SNX3: variants seen among roughly 807,000 people sequenced by gnomAD.
SNX3 encodes sorting nexin 3.
Under a neutral mutation model 17.7 loss-of-function variants are expected in SNX3, and 5 were observed. The ratio of observed to expected loss-of-function variants is 0.28; its 90% confidence interval spans 0.15 to 0.59. The LOEUF is 0.59. Among genes scored for constraint, SNX3 ranks in the 20% least tolerant of loss-of-function variants. SNX3 has a pLI of 0.88. For missense variants in SNX3, 132 were observed against 206.8 expected (o/e 0.64, Z 2.22); for synonymous variants, 91 against 76.5 (o/e 1.19, Z -0.99).
intron 1 of SNX3, among the ~76,000 whole-genome samples, chr6:108,245,324 T>C (rs1582502504): frequency 6.6e-6 from 1 of 152,310 alleles, no homozygotes; most frequent in East Asian, 1.9e-4. Context: ...TATTCCACGG[T>C]ATATACGTGC....
At chr6:108,213,155 T>C (rs555418527) in intron 3 of SNX3, among the ~76,000 whole-genome samples, 1 of 151,788 alleles carries the variant, frequency 6.6e-6, no homozygotes, top group Admixed American at 6.6e-5. Context: ...TCCCAAAATA[T>C]TGGGATTACA....
chr6:108,226,881 G>C (rs1039538224), intron 1 of SNX3, among the ~76,000 whole-genome samples: 2 of 152,178 alleles, frequency 1.3e-5, no homozygotes, highest in African/African-American at 2.4e-5. Context: ...AATCTCACAA[G>C]AGATTTAAAA....
At chr6:108,252,803 TA>T (rs1287263939) in intron 1 of SNX3, among the ~76,000 whole-genome samples, 1 of 151,990 alleles carries the variant, frequency 6.6e-6, no homozygotes, top group East Asian at 1.9e-4. Flanking sequence ...CCACACTGGC[TA>T]ATTTTTGTAT....
At chr6:108,234,460 A>C (rs768264709) in intron 1 of SNX3, among the ~76,000 whole-genome samples, 1 of 152,110 alleles carries the variant, frequency 6.6e-6, no homozygotes, top group Non-Finnish European at 1.5e-5. Context: ...CTGAGGCAGG[A>C]GAATCGCTTG....
chr6:108,245,048 C>T (rs1284231930), intron 1 of SNX3, among the ~76,000 whole-genome samples: 1 of 151,960 alleles, frequency 6.6e-6, no homozygotes, highest in Admixed American at 6.6e-5. Flanking sequence ...ACCTATCAAC[C>T]CGTCATCTAA....
chr6:108,248,257 T>A (rs949428252), intron 1 of SNX3, among the ~76,000 whole-genome samples: 1 of 152,208 alleles, frequency 6.6e-6, no homozygotes, highest in African/African-American at 2.4e-5. Context: ...TACCACCAGT[T>A]TGGAAGCTTC....
At chr6:108,228,095 A>G (rs1775028186) in intron 1 of SNX3, among the ~76,000 whole-genome samples, 1 of 152,140 alleles carries the variant, frequency 6.6e-6, no homozygotes, top group Non-Finnish European at 1.5e-5. Flanking sequence ...AAGCATATAA[A>G]AAGTTGAATT....
In SNX3 at chr6:108,212,005, AAAC is replaced by A. The variant is rs1393899879; in HGVS notation, c.*141_*143del. On this transcript the variant is annotated 3_prime_UTR_variant, in exon 4 of 4. Coordinates refer to ENST00000230085, the MANE Select transcript of SNX3 (RefSeq NM_003795.6). ...CAAATTAACTTCTTGTCAACTGCCA[AAAC>A]AAAACAAAACTGAGCATATGAGTGT... 5 of 549,128 alleles carry A rather than the reference AAAC, an allele frequency of 9.1e-6. No homozygotes were observed. The African/African-American group carries it at 9.8e-5, about 11-fold the overall frequency. 34.0% of individuals were successfully genotyped at this position (549,128 alleles called of 1,614,324 possible).
chr6:108,241,485 G>T (rs1033272092), intron 1 of SNX3, among the ~76,000 whole-genome samples: 2 of 152,078 alleles, frequency 1.3e-5, no homozygotes, highest in East Asian at 3.9e-4. Flanking sequence ...ACAAGATCCT[G>T]TCTCTTAAAA....
chr6:108,238,172 T>A (rs1775409533), intron 1 of SNX3, among the ~76,000 whole-genome samples: 1 of 145,408 alleles, frequency 6.9e-6, no homozygotes, highest in Non-Finnish European at 1.5e-5. Context: ...CCAAAAAGAA[T>A]CTACCATGAA....
At chr6:108,253,973 A>G (rs1387619276) in intron 1 of SNX3, among the ~76,000 whole-genome samples, 1 of 152,020 alleles carries the variant, frequency 6.6e-6, no homozygotes, top group Admixed American at 6.6e-5. Context: ...AAAACACAAA[A>G]AAAATTAGCC....
chr6:108,250,782 C>T (rs189698783), intron 1 of SNX3, among the ~76,000 whole-genome samples: 4 of 152,274 alleles, frequency 2.6e-5, no homozygotes, highest in African/African-American at 9.6e-5. Flanking sequence ...GTGGCAGGTG[C>T]TAAAATAACT....
At chr6:108,216,806 C>CA (rs1336930947) in intron 2 of SNX3, among the ~76,000 whole-genome samples, 1 of 151,702 alleles carries the variant, frequency 6.6e-6, no homozygotes, top group Non-Finnish European at 1.5e-5. Flanking sequence ...AAAATAAAAA[C>CA]AAAAAAACCA....
At chr6:108,257,515 A>G (rs1415002755) in intron 1 of SNX3, among the ~76,000 whole-genome samples, 1 of 152,236 alleles carries the variant, frequency 6.6e-6, no homozygotes, top group Non-Finnish European at 1.5e-5. Flanking sequence ...TCTTATCTCA[A>G]GAAGAAAAAA....
chr6:108,236,574 G>A (rs966349731), intron 1 of SNX3, among the ~76,000 whole-genome samples: 4 of 151,040 alleles, frequency 2.6e-5, no homozygotes, highest in East Asian at 1.9e-4. Context: ...TAGTAGAGAC[G>A]GGGTTTCACC....
intron 1 of SNX3, among the ~76,000 whole-genome samples, chr6:108,245,447 T>G (rs1163951065): frequency 6.6e-6 from 1 of 152,234 alleles, no homozygotes; most frequent in African/African-American, 2.4e-5. Context: ...GTAGAATGAT[T>G]TATAATCCTT....
chr6:108,215,407 C>A (rs921690413), intron 2 of SNX3, among the ~76,000 whole-genome samples: 7 of 151,802 alleles, frequency 4.6e-5, no homozygotes, highest in Admixed American at 1.3e-4. Flanking sequence ...TGCATACAGT[C>A]TTTCCTACTT....
chr6:108,225,239 G>A (rs887635241), intron 1 of SNX3, among the ~76,000 whole-genome samples: 5 of 151,400 alleles, frequency 3.3e-5, no homozygotes, highest in Non-Finnish European at 7.4e-5. Flanking sequence ...CCGAGATCGC[G>A]CCACTGCACT....
chr6:108,228,032 A>G (rs939488459), intron 1 of SNX3, among the ~76,000 whole-genome samples: 3 of 152,206 alleles, frequency 2.0e-5, no homozygotes, highest in Non-Finnish European at 4.4e-5. Context: ...ATAATGATGA[A>G]TAAGATGCAG....
Sources: gnomAD v4.1 joint callset for allele counts (sites outside exome capture counted in the v4.1 genomes callset) on GRCh38, gnomAD v4.1.1 for gene constraint, MANE v1.5 for transcripts, NCBI Gene and HGNC (gene_info 2026-07-23, HGNC 2026-07-21) for gene names.